The following NCOR2 variants were observed in gnomAD, a reference collection of about 807,000 sequenced individuals.
The protein encoded by NCOR2 is CTG repeat protein 26.
A neutral mutation model predicts 262.9 loss-of-function variants in NCOR2; 81 were observed. That is an observed-to-expected ratio of 0.31 (90% CI 0.26 to 0.37). NCOR2 has a LOEUF of 0.37. Among genes scored for constraint, NCOR2 ranks in the 10% least tolerant of loss-of-function variants. The pLI is 1.00. For synonymous variants in NCOR2, 1,659 were observed against 1,559.3 expected (o/e 1.06, Z -1.51); for missense variants, 3,385 against 3,621.4 (o/e 0.93, Z 1.68).
At chr12:124,343,179 TCGA>T in exon 33 of NCOR2, 1 of 1,609,156 alleles carries the variant, frequency 6.2e-7, no homozygotes, top group Non-Finnish European at 8.5e-7. Flanking sequence ...TCACGAGGCG[TCGA>T]CGTCAGCTTT....
chr12:124,333,929 C>CGG (rs2035586083), intron 41 of NCOR2, among the ~76,000 whole-genome samples: 2 of 68,882 alleles, frequency 2.9e-5, no homozygotes, highest in African/African-American at 6.6e-5. Context: ...CATGTGTGTG[C>CGG]GCGCGCATGT....
chr12:124,435,504 G>T (rs1261951512), intron 8 of NCOR2, among the ~76,000 whole-genome samples: 4 of 152,250 alleles, frequency 2.6e-5, no homozygotes, highest in African/African-American at 9.6e-5. Flanking sequence ...CCAGCATCTG[G>T]CTGGAAGTGT....
chr12:124,343,165 G>A lies in NCOR2; in HGVS notation c.4776C>T (p.Ile1592=), dbSNP rs2228588. ...GCACGGTGCTGTGCGGGGACTTGGC[G>A]ATCTCACGAGGCGTCGACGTCAGCT... Residue 1592 remains isoleucine, a synonymous_variant, in exon 33 of 47, where the codon ATC becomes ATT. Transcript: ENST00000405201. 1.1e-3 allele frequency: 1,849 copies of A among 1,610,518 alleles called. 16 individuals carry two copies. In the African/African-American group the frequency reaches 0.021, roughly 19 times the overall value.
intron 1 of NCOR2, among the ~76,000 whole-genome samples, chr12:124,564,950 C>T (rs1433535159): frequency 1.3e-5 from 2 of 151,562 alleles, no homozygotes; most frequent in African/African-American, 2.4e-5. Context: ...CAAGCCGTCC[C>T]CAGCCCAGGG....
chr12:124,544,678 C>T (rs555249709), intron 1 of NCOR2, among the ~76,000 whole-genome samples: 1 of 152,188 alleles, frequency 6.6e-6, no homozygotes, highest in Non-Finnish European at 1.5e-5. Context: ...CCCCAGCACC[C>T]GTGACCTGCT....
chr12:124,422,813 G>T (rs2043296884), intron 11 of NCOR2, among the ~76,000 whole-genome samples: 2 of 152,240 alleles, frequency 1.3e-5, no homozygotes, highest in African/African-American at 4.8e-5. Flanking sequence ...TGTTTGTCCT[G>T]CTGGAGGCGG....
chr12:124,372,483 T>TGGCCCTGGGGGTGGCC lies in NCOR2; in HGVS notation c.2330_2345dup (p.Pro783AlafsTer18). ...GGATGTCCTCCGGTGGTGGGGTGGG[T>TGGCCCTGGGGGTGGCC]GGCCCTGGGGGTGGCCCGTCGGCGC... On this transcript the variant is annotated frameshift_variant, in exon 20 of 47. Coordinates refer to ENST00000405201, the Ensembl canonical transcript of NCOR2. LOFTEE classifies it high-confidence loss of function. The TGGCCCTGGGGGTGGCC allele has an allele frequency of 8.6e-7, 1 of 1,167,292 alleles. No homozygotes were observed. Among genetic ancestry groups the TGGCCCTGGGGGTGGCC allele is most frequent in the Non-Finnish European group, 1.1e-6 (1 of 894,404 alleles). The allele number at this position is 1,167,292 out of a possible 1,614,324, so 72.3% of individuals were successfully genotyped here. A position where few individuals can be genotyped will look rare whatever the true frequency, so the allele number is the denominator to read the frequency against.
intron 32 of NCOR2, among the ~76,000 whole-genome samples, chr12:124,343,627 ATT>A (rs11322329): frequency 0.76 from 112,508 of 148,734 alleles, 42,833 homozygotes; most frequent in East Asian, 0.83. Context: ...ATTTTCTTTC[ATT>A]TTTTTTTTTT....
In NCOR2 at chr12:124,504,550, G is replaced by C. The variant is rs181424772; in HGVS notation, c.-117-9182C>G. 6.6e-6 allele frequency among the ~76,000 whole-genome samples: 1 copy of C among 152,304 alleles called. No homozygotes were observed. Among genetic ancestry groups the C allele is most frequent in the East Asian group, 1.9e-4 (1 of 5,186 alleles). On this transcript the variant is annotated intron_variant, in intron 1 of 46. Coordinates refer to the NCOR2 transcript ENST00000404621. This position sits in a 1 kb window ranked among gnomAD's most constrained non-coding sequence, Gnocchi z 4.5. Reference sequence around the variant, plus strand: ...TCCTAGCTACACATCCCCAAGGAACGGAAAACTGGTGACAAAACAAACAGA... The same window carrying C: ...TCCTAGCTACACATCCCCAAGGAACCGAAAACTGGTGACAAAACAAACAGA...
intron 10 of NCOR2, 78 bp from the exon 13 acceptor site, chr12:124,426,878 C>A (rs2043580271): frequency 2.9e-6 from 4 of 1,386,776 alleles, no homozygotes; most frequent in South Asian, 3.0e-5. Context: ...AGGGAAGACA[C>A]AGAGGGGACG....
chr12:124,376,076 T>C (rs542672555), intron 18 of NCOR2, among the ~76,000 whole-genome samples: 1 of 152,208 alleles, frequency 6.6e-6, no homozygotes, highest in East Asian at 1.9e-4. Flanking sequence ...TGGGAGGGGT[T>C]CTCCTCTCCC....
intron 11 of NCOR2, among the ~76,000 whole-genome samples, chr12:124,425,290 C>T (rs907996100): frequency 6.6e-6 from 1 of 151,986 alleles, no homozygotes; most frequent in East Asian, 1.9e-4. Context: ...AGGAGAATGG[C>T]GTGAACCCGG....
upstream of NCOR2, among the ~76,000 whole-genome samples, chr12:124,497,955 G>C (rs2136924047): frequency 6.6e-6 from 1 of 152,312 alleles, no homozygotes; most frequent in African/African-American, 2.4e-5. This position sits in a 1 kb window ranked among gnomAD's most constrained non-coding sequence, Gnocchi z 4.2. Context: ...ACCCAGCCCT[G>C]TTCTAAAATT....
chr12:124,488,746 C>T (rs2047914472), intron 1 of NCOR2, among the ~76,000 whole-genome samples: 1 of 152,326 alleles, frequency 6.6e-6, no homozygotes, highest in African/African-American at 2.4e-5. Context: ...CCAGGAGGAT[C>T]CTCTCCACCC....
chr12:124,511,479 CG>C (rs1193519922), intron 1 of NCOR2, among the ~76,000 whole-genome samples: 2 of 152,212 alleles, frequency 1.3e-5, no homozygotes, highest in Non-Finnish European at 2.9e-5. Context: ...GAGTGCAACC[CG>C]GGTTCTGCAG....
At chr12:124,325,392 C>CCCCCCCCCA in exon 47 of NCOR2, 1 of 1,152,268 alleles carries the variant, frequency 8.7e-7, no homozygotes, top group Non-Finnish European at 1.1e-6. Context: ...CCCCCCCGCC[C>CCCCCCCCCA]TGTTCTGAGT....
intron 4 of NCOR2, among the ~76,000 whole-genome samples, chr12:124,472,244 T>G (rs543951473): frequency 1.3e-5 from 2 of 152,376 alleles, no homozygotes; most frequent in Non-Finnish European, 2.9e-5. Flanking sequence ...AACTCATATT[T>G]AAAACAAAGT....
chr12:124,516,062 C>A (rs967213403), intron 1 of NCOR2, among the ~76,000 whole-genome samples: 1 of 152,146 alleles, frequency 6.6e-6, no homozygotes, highest in Admixed American at 6.5e-5. Flanking sequence ...GGATGAGAAC[C>A]CCCCCGCCTT....
intron 7 of NCOR2, among the ~76,000 whole-genome samples, chr12:124,444,280 G>A (rs1345839676): frequency 6.6e-6 from 1 of 152,164 alleles, no homozygotes; most frequent in African/African-American, 2.4e-5. Flanking sequence ...TGAGTTTGCT[G>A]GTAGAGGCAC....
Sources: gnomAD v4.1 joint callset for allele counts (sites outside exome capture counted in the v4.1 genomes callset) on GRCh38, gnomAD v4.1.1 for gene constraint, Gnocchi (gnomAD v3.1) non-coding constraint, MANE v1.5 for transcripts, NCBI Gene and HGNC (gene_info 2026-07-23, HGNC 2026-07-21) for gene names.